Variants in SLC2A9 observed in about 807,000 individuals in gnomAD.
SLC2A9 encodes solute carrier family 2, facilitated glucose transporter member 9.
Under a neutral mutation model 50.6 loss-of-function variants are expected in SLC2A9, and 39 were observed. The ratio of observed to expected loss-of-function variants is 0.77; its 90% CI spans 0.60 to 1.01. SLC2A9 has a LOEUF of 1.01. Ranked by LOEUF, SLC2A9 falls within the 50% of genes least tolerant of loss-of-function variation. SLC2A9 has a pLI of 0.00. For missense variants in SLC2A9, 686 were observed against 677.6 expected, an observed-to-expected ratio of 1.01 and a Z score of -0.14; for synonymous variants, 324 against 276.9, an observed-to-expected ratio of 1.17 and a Z score of -1.69.
intron 6 of SLC2A9, among the ~76,000 whole-genome samples, chr4:9,933,195 T>C (rs541687647): frequency 1.3e-5 from 2 of 152,310 alleles, no homozygotes; most frequent in East Asian, 3.9e-4. Context: ...ACAAATGGAA[T>C]GTGACTGGAG....
intron 7 of SLC2A9, among the ~76,000 whole-genome samples, chr4:9,912,776 G>A (rs1742087184): frequency 6.6e-6 from 1 of 152,192 alleles, no homozygotes; most frequent in Non-Finnish European, 1.5e-5. Flanking sequence ...GGGAACCCCA[G>A]AACATCTTAC....
chr4:9,848,707 T>G (rs1265395325), intron 10 of SLC2A9, among the ~76,000 whole-genome samples: 2 of 151,294 alleles, frequency 1.3e-5, no homozygotes, highest in Admixed American at 1.3e-4. Flanking sequence ...TTCTTTTTTT[T>G]TTTTTTTTTG....
chr4:10,027,054 A>AC (rs1470338755), intron 1 of SLC2A9, among the ~76,000 whole-genome samples: 7 of 151,642 alleles, frequency 4.6e-5, no homozygotes, highest in African/African-American at 7.3e-5. Flanking sequence ...AAAAAAACAA[A>AC]AAAAAAAAGA....
At chr4:10,011,506 A>G (rs1761757210) in intron 2 of SLC2A9, among the ~76,000 whole-genome samples, 1 of 152,192 alleles carries the variant, frequency 6.6e-6, no homozygotes, top group Non-Finnish European at 1.5e-5. Context: ...ACATTTTCCT[A>G]CTAAAGGTCA....
rs578175283 is a variant in SLC2A9 at position 9,890,722 on chromosome 4, G to A, written c.1114-11C>T. 4.4e-6 allele frequency: 7 copies of A among 1,607,028 alleles called. No homozygotes were observed. The highest frequency in any genetic ancestry group is 6.0e-6 in the Non-Finnish European group (7 of 1,173,946). ...CTCAATGACCAAACCCTAGTCCAGG[G>A]TAAAAGAGAGAGAGAGAGCTATTAT... On this transcript the variant is annotated splice_polypyrimidine_tract_variant and intron_variant, in intron 8 of 11. Transcript: ENST00000264784.
intron 10 of SLC2A9, among the ~76,000 whole-genome samples, chr4:9,887,306 C>T (rs755101893): frequency 3.9e-5 from 6 of 152,230 alleles, no homozygotes; most frequent in South Asian, 2.1e-4. Flanking sequence ...AGAGCCCTCC[C>T]GCGTATGAAC....
chr4:9,956,105 C>G lies in SLC2A9; in HGVS notation c.682-14060G>C, dbSNP rs186959053. ...TGTTGGCCAAGCTTGTCTCAAACTC[C>G]TGACCTCAGGTGATCGACCTGCCTC... On this transcript the variant is annotated intron_variant, in intron 5 of 11. Coordinates refer to ENST00000264784, the MANE Select transcript of SLC2A9 (RefSeq NM_020041.3). Among the ~76,000 whole-genome samples, 345 of 151,874 alleles carry G rather than the reference C, an allele frequency of 2.3e-3. 1 individual carries two copies. Among genetic ancestry groups the G allele is most frequent in the African/African-American group, 8.0e-3 (330 of 41,476 alleles).
intron 6 of SLC2A9, among the ~76,000 whole-genome samples, chr4:9,939,368 T>C (rs563817637): frequency 6.6e-6 from 1 of 152,334 alleles, no homozygotes; most frequent in African/African-American, 2.4e-5. Context: ...TTTGGGTGTT[T>C]TGTTATGCAG....
At chr4:9,999,550 C>G (rs1408079427) in intron 2 of SLC2A9, among the ~76,000 whole-genome samples, 1 of 152,004 alleles carries the variant, frequency 6.6e-6, no homozygotes, top group Non-Finnish European at 1.5e-5. Context: ...CAGAAGAAAG[C>G]TTGGGTGGCC....
chr4:9,996,877 G>A lies in SLC2A9; in HGVS notation c.314C>T (p.Thr105Ile). The A allele has an allele frequency of 6.2e-7, 1 of 1,614,138 alleles. No individual in the cohort carries two copies. The highest frequency in any genetic ancestry group is 2.2e-5 in the East Asian group (1 of 44,872). ...RRHGRPIDPD[T>I]LTLLWSVTVS... ...AGTCACAGACCAGAGCAAAGTCAGA[G>A]TGTCTGGGTCTATTGGACGTCCATG... The change falls in exon 3 of 12, where the codon ACT becomes ATT. Residue 105 changes from threonine (T) to isoleucine (I), a missense_variant. Thr to Ile is a moderately conservative substitution (Grantham distance 89). Transcript: ENST00000264784.
chr4:9,984,532 C>T (rs1756395756), intron 4 of SLC2A9, among the ~76,000 whole-genome samples: 2 of 152,232 alleles, frequency 1.3e-5, no homozygotes, highest in African/African-American at 2.4e-5. Flanking sequence ...AAAACCAAGG[C>T]TCAGAGCCAT....
intron 7 of SLC2A9, among the ~76,000 whole-genome samples, chr4:9,915,619 C>G (rs1742722822): frequency 6.6e-6 from 1 of 152,198 alleles, no homozygotes; most frequent in Admixed American, 6.5e-5. Flanking sequence ...GTCATGACAA[C>G]TTGTCCAAGA....
chr4:9,944,796 G>C (rs1748808598), intron 5 of SLC2A9, among the ~76,000 whole-genome samples: 1 of 152,168 alleles, frequency 6.6e-6, no homozygotes, highest in Non-Finnish European at 1.5e-5. Context: ...GCTGGCTGCA[G>C]GGAGAGGTGT....
At chr4:9,773,857 G>A (rs541921186) in intron 1 of SLC2A9, among the ~76,000 whole-genome samples, 2 of 152,308 alleles carry the variant, frequency 1.3e-5, no homozygotes, top group African/African-American at 4.8e-5. Context: ...CACCAGACAA[G>A]CAGCTCATGG....
intron 11 of SLC2A9, among the ~76,000 whole-genome samples, chr4:9,827,361 T>G (rs1384651065): frequency 3.3e-5 from 5 of 152,228 alleles, no homozygotes; most frequent in African/African-American, 1.2e-4. Flanking sequence ...ATTATAGGCA[T>G]GAGCCACCAT....
At chr4:9,791,043 C>A (rs967549611) in intron 3 of SLC2A9, among the ~76,000 whole-genome samples, 7 of 152,176 alleles carry the variant, frequency 4.6e-5, no homozygotes, top group Non-Finnish European at 8.8e-5. Flanking sequence ...TAAACTCAAA[C>A]CTCACTGCAG....
intron 5 of SLC2A9, among the ~76,000 whole-genome samples, chr4:9,967,261 G>T (rs1462982388): frequency 6.6e-6 from 1 of 152,026 alleles, no homozygotes; most frequent in Admixed American, 6.6e-5. Flanking sequence ...AAAATAATCA[G>T]AATACAAAAA....
At chr4:9,809,253 T>G (rs1722533514) in intron 3 of SLC2A9, among the ~76,000 whole-genome samples, 1 of 151,798 alleles carries the variant, frequency 6.6e-6, no homozygotes, top group South Asian at 2.1e-4. Flanking sequence ...GGGAGCAGAG[T>G]GTGTGGATCA....
At chr4:9,974,460 C>G (rs745694751) in intron 5 of SLC2A9, among the ~76,000 whole-genome samples, 2 of 150,920 alleles carry the variant, frequency 1.3e-5, no homozygotes, top group Non-Finnish European at 2.9e-5. Flanking sequence ...TATTTCTATA[C>G]ACCAATAATG....
Sources: allele counts gnomAD v4.1 joint callset (sites outside exome capture counted in the v4.1 genomes callset), GRCh38; gene constraint gnomAD v4.1.1; transcripts MANE v1.5; gene names NCBI Gene and HGNC (gene_info 2026-07-23, HGNC 2026-07-21).